Variants in CCDC141 observed in about 807,000 individuals in gnomAD.
The protein encoded by CCDC141 is coiled-coil domain-containing protein 141.
CCDC141 carries 168 observed loss-of-function variants against 181.0 expected under a neutral mutation model. The observed-to-expected ratio is 0.93, with a 90% CI of 0.82 to 1.05. The LOEUF (loss-of-function observed/expected upper bound fraction) is 1.05, where lower values mean the gene tolerates loss of function less well. Among genes scored for constraint, CCDC141 ranks in the 50% least tolerant of loss-of-function variants. The probability of loss-of-function intolerance (pLI) is 0.00; values close to 1 mark genes in which losing one functional copy is unlikely to be tolerated. For missense variants in CCDC141, 1,902 were observed against 1,788.5 expected (o/e 1.06, Z -1.14); for synonymous variants, 666 against 642.3 (o/e 1.04, Z -0.56).
chr2:178,860,727 C>T (rs193249579), intron 17 of CCDC141, among the ~76,000 whole-genome samples: 25 of 151,552 alleles, frequency 1.6e-4, no homozygotes, highest in Admixed American at 5.9e-4. Flanking sequence ...ATTTGGCAAC[C>T]ACTCCCTTGT....
At chr2:178,856,230 C>T (rs1161343275) in intron 18 of CCDC141, 27 bp downstream of exon 18, 1 of 1,582,216 alleles carries the variant, frequency 6.3e-7, no homozygotes, top group Non-Finnish European at 8.6e-7. Flanking sequence ...CACATGCGCA[C>T]ATATACAAAC....
At chr2:179,035,121 A>G (rs1410639067) in intron 2 of CCDC141, among the ~76,000 whole-genome samples, 1 of 116,270 alleles carries the variant, frequency 8.6e-6, no homozygotes, top group African/African-American at 3.3e-5. Context: ...AATTATAACT[A>G]CAACATTTTT....
At chr2:179,011,711 C>T (rs1488726330) in intron 2 of CCDC141, among the ~76,000 whole-genome samples, 2 of 152,030 alleles carry the variant, frequency 1.3e-5, no homozygotes, top group African/African-American at 2.4e-5. Context: ...CCAAGATAGA[C>T]CATATGATAG....
intron 1 of CCDC141, among the ~76,000 whole-genome samples, chr2:179,048,253 T>C (rs2043564073): frequency 6.6e-6 from 1 of 152,200 alleles, no homozygotes; most frequent in African/African-American, 2.4e-5. Context: ...CTGAGACAGT[T>C]TGGACAGTCA....
Position 179,010,152 on chromosome 2 carries a change from T to C in CCDC141, c.226-31477A>G, listed in dbSNP as rs933644124. Among the ~76,000 whole-genome samples, 10 of 152,174 alleles carry C rather than the reference T, an allele frequency of 6.6e-5. No homozygotes were observed. In the South Asian group the frequency reaches 8.3e-4, roughly 13 times the overall value. ...AAAGCCTCCAAGAAGTCTGGGATTA[T>C]GTTAAATGACAAAACCTAAGAATAA... is the stretch of plus-strand genomic sequence containing the variant. On this transcript the variant is annotated intron_variant, in intron 2 of 23. Coordinates refer to ENST00000443758, the MANE Select transcript of CCDC141 (RefSeq NM_173648.4).
At chr2:178,855,290 CA>C in intron 19 of CCDC141, 56 bp downstream of exon 19, 10 of 1,463,714 alleles carry the variant, frequency 6.8e-6, no homozygotes, top group Non-Finnish European at 8.4e-6. Context: ...TTTAAAGTTG[CA>C]AAATGATTTT....
chr2:178,899,395 C>T (rs1016785777), intron 8 of CCDC141, among the ~76,000 whole-genome samples: 1 of 152,078 alleles, frequency 6.6e-6, no homozygotes, highest in Non-Finnish European at 1.5e-5. Flanking sequence ...TGAGCCCTTT[C>T]TATGTGCTGA....
At chr2:178,987,679 A>G (rs1285654332) in intron 2 of CCDC141, among the ~76,000 whole-genome samples, 1 of 150,344 alleles carries the variant, frequency 6.7e-6, no homozygotes, top group Non-Finnish European at 1.5e-5. Flanking sequence ...GACACTTCTC[A>G]AAAGAAGACA....
At chr2:178,975,597 A>C (rs999178127) in intron 3 of CCDC141, among the ~76,000 whole-genome samples, 1 of 152,190 alleles carries the variant, frequency 6.6e-6, no homozygotes, top group African/African-American at 2.4e-5. Flanking sequence ...ATACATTTAC[A>C]AGTAAATGTA....
chr2:178,977,067 T>A (rs1287154403), intron 3 of CCDC141, among the ~76,000 whole-genome samples: 1 of 151,998 alleles, frequency 6.6e-6, no homozygotes, highest in African/African-American at 2.4e-5. Flanking sequence ...TATATAGGAG[T>A]TTGTCTTCAG....
chr2:179,002,290 GGCAT>G (rs1181359790), intron 2 of CCDC141: 1 of 280,596 alleles, frequency 3.6e-6, no homozygotes, highest in East Asian at 1.1e-4. Context: ...CTGAGTACAG[GGCAT>G]TCCTGTTATA....
chr2:178,824,614 C>T, the CCDC141 span, among the ~76,000 whole-genome samples: 10 of 73,812 alleles, frequency 1.4e-4, no homozygotes, highest in East Asian at 1.5e-3. Context: ...AGTGAGACTT[C>T]GTCAAAAAAA....
chr2:178,850,929 G>A (rs1039315575), intron 20 of CCDC141, among the ~76,000 whole-genome samples: 101 of 152,186 alleles, frequency 6.6e-4, no homozygotes, highest in African/African-American at 2.3e-3. Context: ...TTCTTGCCTC[G>A]GCATAGTGTC....
Position 178,837,046 on chromosome 2 carries a change from C to G in CCDC141, c.4173G>C (p.Glu1391Asp). The G allele has an allele frequency of 6.2e-7, 1 of 1,614,038 alleles. No homozygotes were observed. The highest frequency in any genetic ancestry group is 8.5e-7 in the Non-Finnish European group (1 of 1,179,960). ...GYQRQMVPRE[E>D]IKSTSAKSSV... ...TGCTCTTTGCTGATGTGCTTTTAAT[C>G]TCTTCTCGAGGAACCATTTGCCTCT... is the stretch of plus-strand genomic sequence containing the variant. Residue 1391 changes from glutamate to aspartate, a missense_variant, in exon 23 of 24, where the codon GAG (glutamate) becomes GAC (aspartate). Transcript: ENST00000443758.
At chr2:179,034,113 A>G (rs1193251775) in intron 2 of CCDC141, among the ~76,000 whole-genome samples, 1 of 152,220 alleles carries the variant, frequency 6.6e-6, no homozygotes, top group African/African-American at 2.4e-5. Context: ...TCAGTGGTAC[A>G]CTGAATAAAG....
At chr2:178,939,753 T>C (rs962448117) in intron 6 of CCDC141, among the ~76,000 whole-genome samples, 2 of 151,896 alleles carry the variant, frequency 1.3e-5, no homozygotes, top group African/African-American at 4.8e-5. Flanking sequence ...CTTTTGTGTG[T>C]GTGGTGGAGG....
At chr2:178,920,084 C>A (rs1414650666) in intron 6 of CCDC141, among the ~76,000 whole-genome samples, 3 of 151,920 alleles carry the variant, frequency 2.0e-5, no homozygotes, top group Non-Finnish European at 2.9e-5. Flanking sequence ...GAAGTCAGAC[C>A]CACTGTCATA....
At chr2:179,042,574 C>A (rs1026564788) in intron 2 of CCDC141, among the ~76,000 whole-genome samples, 5 of 152,162 alleles carry the variant, frequency 3.3e-5, no homozygotes, top group Non-Finnish European at 5.9e-5. Flanking sequence ...TCTCAAATTC[C>A]TGACCTCAGG....
intron 7 of CCDC141, among the ~76,000 whole-genome samples, chr2:178,917,663 A>G (rs1404123525): frequency 1.3e-5 from 2 of 152,262 alleles, no homozygotes; most frequent in Non-Finnish European, 2.9e-5. Flanking sequence ...TGGAAAAGGT[A>G]GAAAAAATTT....
Sources: allele counts gnomAD v4.1 joint callset (sites outside exome capture counted in the v4.1 genomes callset), GRCh38; gene constraint gnomAD v4.1.1; transcripts MANE v1.5; gene names NCBI Gene and HGNC (gene_info 2026-07-23, HGNC 2026-07-21).